Variants in TTBK2 observed in about 807,000 individuals in gnomAD.
TTBK2 encodes the protein tau tubulin kinase 2.
A neutral mutation model predicts 110.8 loss-of-function variants in TTBK2; 28 were observed. The ratio of observed to expected loss-of-function variants is 0.25; its 90% CI spans 0.19 to 0.35. The LOEUF (loss-of-function observed/expected upper bound fraction) is 0.35. TTBK2 is among the 10% of genes least tolerant of loss of function. TTBK2 has a pLI of 1.00. For synonymous variants in TTBK2, 532 were observed against 527.3 expected (o/e 1.01, Z -0.12); for missense variants, 1,369 against 1,500.3 (o/e 0.91, Z 1.45).
intron 3 of TTBK2, among the ~76,000 whole-genome samples, chr15:42,863,133 T>C (rs1894225992): frequency 6.6e-6 from 1 of 152,118 alleles, no homozygotes; most frequent in Non-Finnish European, 1.5e-5. Flanking sequence ...ACTATCTCTC[T>C]TCACTAACAA....
chr15:42,826,635 G>GTTTCTGTACCTCAAAT (rs1184094898), intron 6 of TTBK2, among the ~76,000 whole-genome samples: 1 of 152,142 alleles, frequency 6.6e-6, no homozygotes, highest in African/African-American at 2.4e-5. Context: ...CAATCCAGCT[G>GTTTCTGTACCTCAAAT]TTTCTGTACC....
chr15:42,840,380 A>G lies in TTBK2; in HGVS notation c.271T>C (p.Tyr91His). Residue 91 changes from tyrosine (Y) to histidine (H), a missense_variant, in exon 4 of 15, where the codon TAT (tyrosine) becomes CAT (histidine). This residue lies in a region of TTBK2 where 122 missense variants were observed against 159.7 expected (regional missense o/e 0.76). Transcript: ENST00000267890. ...CCTACCTGCAACTGCATGACCACAT[A>G]GTTGAATCGATCATTCCTCCCACAG... Reference protein sequence around the residue: ...IGCGRNDRFNYVVMQLQGRNL... With the variant: ...IGCGRNDRFNHVVMQLQGRNL... 1 of 1,614,052 alleles carries G rather than the reference A, an allele frequency of 6.2e-7. No homozygotes were observed. Among genetic ancestry groups the G allele is most frequent in the Non-Finnish European group, 8.5e-7 (1 of 1,179,952 alleles).
chr15:42,799,174 C>T (rs1251569194), intron 9 of TTBK2, among the ~76,000 whole-genome samples: 3 of 152,058 alleles, frequency 2.0e-5, no homozygotes, highest in African/African-American at 7.2e-5. Context: ...TCGAGACCAT[C>T]CTCACTAACG....
intron 14 of TTBK2, 35 bp from the exon 15 acceptor site, chr15:42,746,292 ATTCAT>A (rs768128673): frequency 5.3e-6 from 8 of 1,514,986 alleles, no homozygotes; most frequent in South Asian, 4.8e-5. Flanking sequence ...TTTAATTTTA[ATTCAT>A]TTCAAGTGTG....
intron 13 of TTBK2, among the ~76,000 whole-genome samples, chr15:42,766,413 G>A (rs1015601528): frequency 2.2e-5 from 3 of 134,538 alleles, no homozygotes; most frequent in Admixed American, 7.3e-5. Context: ...CAAAATAAAG[G>A]GACGAAGGAA....
rs565856793 is a variant in TTBK2, at chr15:42,817,108, G to A, written c.538-11C>T. 1.2e-6 allele frequency: 2 copies of A among 1,600,754 alleles called. No individual in the cohort carries two copies. Among genetic ancestry groups the A allele is most frequent in the East Asian group, 4.5e-5 (2 of 44,106 alleles). The stretch of plus-strand genomic sequence containing the variant: ...TGCCACAGCTCGAGGCTACAACGAA[G>A]CCATGCAAAGAATAATAAATGAGCT... On this transcript the variant is annotated splice_polypyrimidine_tract_variant and intron_variant, in intron 6 of 14. Coordinates refer to ENST00000267890, the MANE Select transcript of TTBK2 (RefSeq NM_173500.4).
chr15:42,794,599 A>C, intron 10 of TTBK2, 45 bp downstream of exon 10: 2 of 1,614,000 alleles, frequency 1.2e-6, no homozygotes, highest in Admixed American at 1.7e-5. Flanking sequence ...TGCAAATATA[A>C]TACATCCAGG....
At chr15:42,759,439 T>TCCCAG (rs1428066949) in intron 13 of TTBK2, among the ~76,000 whole-genome samples, 2 of 152,004 alleles carry the variant, frequency 1.3e-5, no homozygotes, top group Non-Finnish European at 1.5e-5. Context: ...CAGGTGTGCC[T>TCCCAG]CCCAGCCCAG....
At chr15:42,846,243 G>A (rs1893460964) in intron 3 of TTBK2, among the ~76,000 whole-genome samples, 1 of 150,142 alleles carries the variant, frequency 6.7e-6, no homozygotes. Flanking sequence ...AGGCTGGAGT[G>A]CAGTGGACTG....
intron 1 of TTBK2, among the ~76,000 whole-genome samples, chr15:42,891,184 T>TC (rs1895441481): frequency 6.6e-6 from 1 of 150,568 alleles, no homozygotes; most frequent in African/African-American, 2.4e-5. Context: ...TTTTTTTTTT[T>TC]TTTTTTTTTT....
intron 6 of TTBK2, among the ~76,000 whole-genome samples, chr15:42,818,486 G>A (rs1938695552): frequency 6.6e-6 from 1 of 152,132 alleles, no homozygotes; most frequent in South Asian, 2.1e-4. Context: ...TTGGGAGGCT[G>A]AGGCGGGCAG....
At chr15:42,821,968 G>T (rs1166023847) in intron 6 of TTBK2, among the ~76,000 whole-genome samples, 1 of 151,646 alleles carries the variant, frequency 6.6e-6, no homozygotes, top group African/African-American at 2.4e-5. Flanking sequence ...GGGATTACAG[G>T]TGTGAGCCAC....
At chr15:42,875,743 C>T (rs966829646) in intron 2 of TTBK2, among the ~76,000 whole-genome samples, 6 of 151,956 alleles carry the variant, frequency 3.9e-5, no homozygotes, top group African/African-American at 1.4e-4. Context: ...CCCGTCTCTA[C>T]TAAAAATACA....
chr15:42,852,224 G>A lies in TTBK2; in HGVS notation c.218-11791C>T, dbSNP rs539530014. On this transcript the variant is annotated intron_variant, in intron 3 of 14. Transcript: ENST00000267890. ...AGCTAGACTACAGGTATGCACCACC[G>A]GGCCCAGCTAATTTTTGTATTGTTA... Among the ~76,000 whole-genome samples the A allele has an allele frequency of 6.6e-5, 10 of 151,768 alleles. No individual in the cohort carries two copies. In the East Asian group the frequency reaches 1.2e-3, roughly 18 times the overall value.
intron 9 of TTBK2, chr15:42,800,923 G>A: frequency 1.4e-6 from 1 of 706,012 alleles, no homozygotes; most frequent in Non-Finnish European, 2.6e-6. Context: ...TCCCTCCTAG[G>A]CTCTGCGGCA....
intron 7 of TTBK2, among the ~76,000 whole-genome samples, chr15:42,814,108 G>C (rs1369262384): frequency 2.0e-5 from 3 of 151,606 alleles, no homozygotes; most frequent in African/African-American, 7.3e-5. Context: ...TGCAACCTCC[G>C]CCTCCCAGGT....
intron 3 of TTBK2, among the ~76,000 whole-genome samples, chr15:42,869,952 G>A (rs997157443): frequency 2.6e-5 from 4 of 152,056 alleles, no homozygotes; most frequent in African/African-American, 9.7e-5. Flanking sequence ...CAGGACAGGA[G>A]GACAGTCTGA....
rs537920982 is a variant in TTBK2, at chr15:42,874,685, T to C, written c.70-1927A>G. Among the ~76,000 whole-genome samples the C allele has an allele frequency of 9.2e-5, 14 of 151,830 alleles. No individual in the cohort carries two copies. The South Asian group carries it at 2.7e-3, about 29-fold the overall frequency. ...TTGAAACTACAGGATGAGTTCAAGA[T>C]TTTTTTAAAGTTCCAGAAGTGGCCG... On this transcript the variant is annotated intron_variant, in intron 2 of 14. Coordinates refer to ENST00000267890, the MANE Select transcript of TTBK2 (RefSeq NM_173500.4).
chr15:42,781,681 G>C (rs756184488), intron 11 of TTBK2, among the ~76,000 whole-genome samples: 3 of 151,982 alleles, frequency 2.0e-5, no homozygotes, highest in African/African-American at 4.8e-5. Flanking sequence ...CAAGTGTTTA[G>C]AGATTTTCCT....
Sources: allele counts gnomAD v4.1 joint callset (sites outside exome capture counted in the v4.1 genomes callset), GRCh38; gene constraint gnomAD v4.1.1; regional missense constraint gnomAD v4.1.1; transcripts MANE v1.5; gene names NCBI Gene and HGNC (gene_info 2026-07-23, HGNC 2026-07-21).